Variants in JMJD1C observed in about 807,000 individuals in gnomAD.
JMJD1C encodes jumonji domain containing 1C.
In JMJD1C, 31 loss-of-function variants were observed where a neutral mutation model predicts 245.3. The observed-to-expected ratio is 0.13, with a 90% CI of 0.09 to 0.17. The LOEUF is 0.17. Among genes scored for constraint, JMJD1C ranks in the 10% least tolerant of loss-of-function variants. The pLI is 1.00. For missense variants in JMJD1C, 2,691 were observed against 3,000.2 expected, an observed-to-expected ratio of 0.90 and a Z score of 2.41; for synonymous variants, 1,057 against 1,017.4, an observed-to-expected ratio of 1.04 and a Z score of -0.74.
rs1267993905 is a variant in JMJD1C, at chr10:63,295,973, G to A, written c.334-31209C>T. 8.0e-3 allele frequency among the ~76,000 whole-genome samples: 263 copies of A among 32,836 alleles called. 1 individual carries two copies. Among genetic ancestry groups the A allele is most frequent in the Non-Finnish European group, 0.012 (188 of 15,916 alleles). 21.5% of individuals were successfully genotyped at this position (32,836 alleles called of 152,430 possible). A position where few individuals can be genotyped will look rare whatever the true frequency, so the allele number is the denominator to read the frequency against. ...TATACACGTATATGTGTGTGTGTGT[G>A]TGTGTGTGTGTGTGTGTGTGTGTGT... On this transcript the variant is annotated intron_variant, in intron 2 of 25. Coordinates refer to ENST00000399262, the MANE Select transcript of JMJD1C (RefSeq NM_032776.3).
At position 63,168,494 on chromosome 10, in the gene JMJD1C, G is replaced by A. The variant is rs1361318724; in HGVS notation, c.7474C>T (p.His2492Tyr). 7 of 1,610,636 alleles carry A rather than the reference G, an allele frequency of 4.3e-6. 1 individual carries two copies. In the South Asian group the frequency reaches 7.7e-5, roughly 18 times the overall value. The stretch of plus-strand genomic sequence containing the variant: ...AAAAGTCTCAGTTCCTGTGTTAAAT[G>A]AAATGACTCTACAAGATGTTCTGGA... ...VSPEHLVESF[H>Y]LTQELRLLKE... Residue 2492 changes from histidine to tyrosine, a missense_variant, in exon 25 of 26, where the codon CAT (histidine) becomes TAT (tyrosine). His to Tyr is a moderately conservative substitution (Grantham distance 83). This residue lies in a region of JMJD1C where 232 missense variants were observed against 416.1 expected (regional missense o/e 0.56). Transcript: ENST00000399262.
At chr10:63,357,097 G>A (rs745394493) in intron 2 of JMJD1C, among the ~76,000 whole-genome samples, 3 of 147,830 alleles carry the variant, frequency 2.0e-5, no homozygotes, top group South Asian at 2.2e-4. Flanking sequence ...GCAGTGGCGC[G>A]ACCTCAGCTC....
At chr10:63,508,948 G>C (rs1954797894) in intron 1 of JMJD1C, among the ~76,000 whole-genome samples, 1 of 152,096 alleles carries the variant, frequency 6.6e-6, no homozygotes, top group African/African-American at 2.4e-5. Flanking sequence ...TACTGCATCA[G>C]CTAGAACAGA....
At chr10:63,173,867 G>C (rs1010064538) in intron 24 of JMJD1C, among the ~76,000 whole-genome samples, 1 of 152,060 alleles carries the variant, frequency 6.6e-6, no homozygotes, top group Non-Finnish European at 1.5e-5. Flanking sequence ...AAAAAAAGCA[G>C]CTAAATAGAC....
At chr10:63,424,664 G>A (rs1402534551) in intron 1 of JMJD1C, among the ~76,000 whole-genome samples, 1 of 151,730 alleles carries the variant, frequency 6.6e-6, no homozygotes, top group African/African-American at 2.4e-5. Context: ...GAGCCACCAT[G>A]CTTGGCCCAA....
chr10:63,428,701 G>A (rs1041430371), intron 1 of JMJD1C, among the ~76,000 whole-genome samples: 1 of 152,020 alleles, frequency 6.6e-6, no homozygotes, highest in Admixed American at 6.6e-5. Context: ...ATGAAAAAAA[G>A]AGAAAAAACA....
At chr10:63,393,541 T>G (rs1390278234) in intron 1 of JMJD1C, among the ~76,000 whole-genome samples, 1 of 152,096 alleles carries the variant, frequency 6.6e-6, no homozygotes, top group Non-Finnish European at 1.5e-5. Context: ...TACTGGGTAT[T>G]TATCCAAGGA....
chr10:63,404,409 AT>A (rs903952465), intron 1 of JMJD1C, among the ~76,000 whole-genome samples: 2 of 151,586 alleles, frequency 1.3e-5, no homozygotes, highest in Non-Finnish European at 2.9e-5. Context: ...CCACATGCTA[AT>A]TTTTTTTTCT....
In JMJD1C at chr10:63,189,392, C is replaced by A. The variant is rs1355004987; in HGVS notation, c.6346G>T (p.Val2116Phe). The change falls in exon 18 of 26, where the codon GTT becomes TTT. Residue 2116 changes from valine to phenylalanine, a missense_variant. By Grantham distance (50) the Val-to-Phe change is conservative. This residue lies in a region of JMJD1C where 275 missense variants were observed against 285.5 expected (regional missense o/e 0.96). Transcript: ENST00000399262. ...PNILDDIIASVVENKIPPSKT... is the reference protein window; with the variant it reads ...PNILDDIIASFVENKIPPSKT... Reference sequence around the variant, plus strand: ...CTTGGTGGAATTTTGTTTTCAACAACTGAAGCAATTATGTCATCAAGAATG... The same window carrying A: ...CTTGGTGGAATTTTGTTTTCAACAAATGAAGCAATTATGTCATCAAGAATG... 2 of 1,613,718 alleles carry A rather than the reference C, an allele frequency of 1.2e-6. No individual in the cohort carries two copies. Among genetic ancestry groups the A allele is most frequent in the South Asian group, 2.2e-5 (2 of 91,080 alleles).
intron 1 of JMJD1C, among the ~76,000 whole-genome samples, chr10:63,506,706 C>T (rs918814429): frequency 3.3e-5 from 5 of 152,172 alleles, no homozygotes; most frequent in Non-Finnish European, 7.4e-5. Context: ...ACAACCTCCT[C>T]CAATATCAAC....
At position 63,389,697 on chromosome 10, in the gene JMJD1C, C is replaced by A. The variant is rs117804818; in HGVS notation, c.169-9215G>T. On this transcript the variant is annotated intron_variant, in intron 1 of 25. Coordinates refer to ENST00000399262, the MANE Select transcript of JMJD1C (RefSeq NM_032776.3). Reference sequence around the variant, plus strand: ...TTTAAAAATTAGAATTGTATCAAACCCTCAGACCACAATGAAATAAAACTA... The same window carrying A: ...TTTAAAAATTAGAATTGTATCAAACACTCAGACCACAATGAAATAAAACTA... Among the ~76,000 whole-genome samples the A allele has an allele frequency of 2.6e-3, 391 of 151,990 alleles. 3 individuals are homozygous for A. The South Asian group carries it at 0.029, about 11-fold the overall frequency.
intron 1 of JMJD1C, among the ~76,000 whole-genome samples, chr10:63,382,031 T>C (rs1017668736): frequency 6.6e-6 from 1 of 151,804 alleles, no homozygotes; most frequent in African/African-American, 2.4e-5. Flanking sequence ...GGCCACAGAG[T>C]GAAACACCAT....
chr10:63,421,312 C>G (rs1302350512), intron 1 of JMJD1C, among the ~76,000 whole-genome samples: 1 of 151,972 alleles, frequency 6.6e-6, no homozygotes, highest in African/African-American at 2.4e-5. Flanking sequence ...CCAGCCTGGG[C>G]AAGAAGAGTG....
At chr10:63,292,992 C>A (rs7909282) in intron 2 of JMJD1C, among the ~76,000 whole-genome samples, 1 of 151,950 alleles carries the variant, frequency 6.6e-6, no homozygotes, top group African/African-American at 2.4e-5. Context: ...TGCAGTGAGC[C>A]GAGATCATGC....
At chr10:63,316,505 T>C (rs930357778) in intron 2 of JMJD1C, among the ~76,000 whole-genome samples, 12 of 151,840 alleles carry the variant, frequency 7.9e-5, no homozygotes, top group Admixed American at 5.2e-4. Context: ...TGGAGTGCAA[T>C]GGCATGATCC....
chr10:63,309,916 CA>C (rs543353248), intron 2 of JMJD1C, among the ~76,000 whole-genome samples: 9 of 146,012 alleles, frequency 6.2e-5, no homozygotes, highest in East Asian at 2.0e-4. Context: ...GATTTCGTCT[CA>C]AAAAAAAAAG....
intron 18 of JMJD1C, among the ~76,000 whole-genome samples, chr10:63,188,239 T>G (rs1844359633): frequency 6.6e-6 from 1 of 152,212 alleles, no homozygotes; most frequent in Non-Finnish European, 1.5e-5. Context: ...CTCACACAAA[T>G]TAAATAAAAT....
chr10:63,276,884 C>CTTTTTTTTTTT lies in JMJD1C; in HGVS notation c.334-12131_334-12121dup, dbSNP rs760452367. On this transcript the variant is annotated intron_variant, in intron 2 of 25. Transcript: ENST00000399262. ...CTATGGAAGGAATAGAAGCTTGGGG[C>CTTTTTTTTTTT]TTTTTTTTTTTTTTTTTTGAGAGAG... Among the ~76,000 whole-genome samples, 160 of 96,278 alleles carry CTTTTTTTTTTT rather than the reference C, an allele frequency of 1.7e-3. 13 individuals carry two copies. The highest frequency in any genetic ancestry group is 3.1e-3 in the African/African-American group (72 of 23,354). The allele number at this position is 96,278 out of a possible 152,430, so 63.2% of individuals were successfully genotyped here.
At chr10:63,224,920 G>A (rs1206655762) in intron 3 of JMJD1C, among the ~76,000 whole-genome samples, 1 of 151,968 alleles carries the variant, frequency 6.6e-6, no homozygotes, top group Admixed American at 6.6e-5. Context: ...AACCTAGCTG[G>A]GTGTGGTGGT....
Sources: allele counts gnomAD v4.1 joint callset (sites outside exome capture counted in the v4.1 genomes callset), GRCh38; gene constraint gnomAD v4.1.1; regional missense constraint gnomAD v4.1.1; transcripts MANE v1.5; gene names NCBI Gene and HGNC (gene_info 2026-07-23, HGNC 2026-07-21).